The following POMGNT1 variants were observed in gnomAD, a reference collection of about 807,000 sequenced individuals.
POMGNT1 encodes protein O-linked mannose N-acetylglucosaminyltransferase 1 (beta 1,2-).
POMGNT1 carries 67 observed loss-of-function variants against 95.6 expected under a neutral mutation model. The observed-to-expected ratio is 0.70, with a 90% CI of 0.58 to 0.86. POMGNT1 has a LOEUF of 0.86. Ranked by LOEUF, POMGNT1 falls within the 40% of genes least tolerant of loss-of-function variation. POMGNT1 has a pLI of 0.00. For synonymous variants in POMGNT1, 298 were observed against 317.9 expected, an observed-to-expected ratio of 0.94 and a Z score of 0.66; for missense variants, 719 against 855.2, an observed-to-expected ratio of 0.84 and a Z score of 1.99.
At chr1:46,191,962 C>G in intron 17 of POMGNT1, 136 bp downstream of exon 17, 1 of 1,381,258 alleles carries the variant, frequency 7.2e-7, no homozygotes, top group Non-Finnish European at 1.0e-6. Context: ...GATAAAGAAA[C>G]TGAGGCAAAA....
chr1:46,195,795 G>A lies in POMGNT1; in HGVS notation c.534+16C>T, dbSNP rs780919869. Reference sequence around the variant, plus strand: ...AGCTAGGGAGTAGGGGTCAGGGTCAGGACAGAATAACTGACCTTGACAGTG... The same window carrying A: ...AGCTAGGGAGTAGGGGTCAGGGTCAAGACAGAATAACTGACCTTGACAGTG... On this transcript the variant is annotated intron_variant, in intron 6 of 21. Coordinates refer to ENST00000371984, the MANE Select transcript of POMGNT1 (RefSeq NM_017739.4). 1.5e-5 allele frequency: 24 copies of A among 1,573,736 alleles called. No homozygotes were observed. Among genetic ancestry groups the A allele is most frequent in the Admixed American group, 1.8e-5 (1 of 54,140 alleles).
chr1:46,217,788 C>T lies in POMGNT1; in HGVS notation c.-51+1917G>A, dbSNP rs150678860. Among the ~76,000 whole-genome samples, 387 of 152,102 alleles carry T rather than the reference C, an allele frequency of 2.5e-3. 1 individual carries two copies. Among genetic ancestry groups the T allele is most frequent in the Non-Finnish European group, 2.6e-3 (174 of 67,996 alleles). ...AAGAGAATCGCTTGAACCCTGGAGG[C>T]GGAGGTTGCAGTGAGCTAAGATGGC... On this transcript the variant is annotated intron_variant, in intron 1 of 22. Coordinates refer to the POMGNT1 transcript ENST00000371992.
intron 1 of POMGNT1, among the ~76,000 whole-genome samples, chr1:46,210,672 G>A (rs2148243402): frequency 6.6e-6 from 1 of 152,270 alleles, no homozygotes; most frequent in Non-Finnish European, 1.5e-5. Flanking sequence ...GAGATGCATG[G>A]GGCAAGGCAT....
At chr1:46,202,072 C>CTAGA (rs1414653346), upstream of POMGNT1, among the ~76,000 whole-genome samples, 3 of 149,208 alleles carry the variant, frequency 2.0e-5, no homozygotes, top group African/African-American at 7.4e-5. Context: ...TTTTAGTTAA[C>CTAGA]TCTAAACAAT....
chr1:46,209,544 T>C (rs1658827588), intron 1 of POMGNT1, among the ~76,000 whole-genome samples: 1 of 132,596 alleles, frequency 7.5e-6, no homozygotes, highest in African/African-American at 2.6e-5. Context: ...TTTCTTTTTT[T>C]TTTTCTTTTT....
upstream of POMGNT1, among the ~76,000 whole-genome samples, chr1:46,198,665 C>G (rs1454562240): frequency 9.9e-5 from 15 of 152,168 alleles, no homozygotes; most frequent in Admixed American, 9.8e-4. Flanking sequence ...CGCTCCCCAG[C>G]ACCGCCGATG....
intron 6 of POMGNT1, chr1:46,195,400 A>G: frequency 2.7e-6 from 1 of 373,742 alleles, no homozygotes; most frequent in Admixed American, 3.8e-5. Flanking sequence ...CTTTCTGCTC[A>G]CATATCATCT....
At chr1:46,206,823 A>G (rs1242797682) in intron 1 of POMGNT1, among the ~76,000 whole-genome samples, 1 of 152,246 alleles carries the variant, frequency 6.6e-6, no homozygotes, top group African/African-American at 2.4e-5. Flanking sequence ...CACTGGGCCA[A>G]GCACCAGAAA....
intron 2 of POMGNT1, 85 bp downstream of exon 2, chr1:46,197,617 C>T: frequency 6.3e-7 from 1 of 1,595,560 alleles, no homozygotes; most frequent in South Asian, 1.1e-5. Flanking sequence ...CTGGGGCTGG[C>T]CAACAGGGGT....
At chr1:46,198,469 C>CGCCGCCGCCGCCGCT (rs1658411763), upstream of POMGNT1, 2 of 149,186 alleles carry the variant, frequency 1.3e-5, no homozygotes, top group Non-Finnish European at 3.0e-5. Context: ...CTTCCGCCGC[C>CGCCGCCGCCGCCGCT]GCCGCCGCCG....
At chr1:46,205,294 G>A (rs1658676300) in intron 1 of POMGNT1, among the ~76,000 whole-genome samples, 1 of 151,878 alleles carries the variant, frequency 6.6e-6, no homozygotes, top group Admixed American at 6.6e-5. Flanking sequence ...GGGGAGGAAG[G>A]GAGGAAGGGA....
At chr1:46,215,378 A>G (rs1420157363) in intron 1 of POMGNT1, among the ~76,000 whole-genome samples, 3 of 152,214 alleles carry the variant, frequency 2.0e-5, no homozygotes. Context: ...ATAATTTTAA[A>G]AAATCTCCCA....
At chr1:46,197,584 A>G (rs1658344839) in intron 2 of POMGNT1, 118 bp downstream of exon 2, 2 of 1,572,808 alleles carry the variant, frequency 1.3e-6, no homozygotes, top group Non-Finnish European at 1.7e-6. Flanking sequence ...TCTCCCCTCT[A>G]GGAACCTGCT....
upstream of POMGNT1, among the ~76,000 whole-genome samples, chr1:46,202,328 C>T (rs1289273134): frequency 6.6e-6 from 1 of 151,968 alleles, no homozygotes; most frequent in Non-Finnish European, 1.5e-5. Context: ...AACCTTGTTA[C>T]TCAAAGTGTG....
chr1:46,220,155 G>A (rs745871817), exon 1 of POMGNT1: 47 of 1,614,002 alleles, frequency 2.9e-5, no homozygotes, highest in Non-Finnish European at 4.0e-5. Flanking sequence ...GGATGAGAGT[G>A]CCAAGCTGGG....
rs764703384 is a variant in POMGNT1, at chr1:46,193,658, G to C, written c.951-19C>G. On this transcript the variant is annotated intron_variant, in intron 10 of 21. Transcript: ENST00000371984. Reference sequence around the variant, plus strand: ...CAGCATCCTGGGGAGCCCAGGGATAGGTTAGGGTCACTTCATCACCCCTCA... The same window carrying C: ...CAGCATCCTGGGGAGCCCAGGGATACGTTAGGGTCACTTCATCACCCCTCA... The C allele has an allele frequency of 6.2e-7, 1 of 1,614,030 alleles. No homozygotes were observed. The highest frequency in any genetic ancestry group is 8.5e-7 in the Non-Finnish European group (1 of 1,179,962).
intron 1 of POMGNT1, among the ~76,000 whole-genome samples, chr1:46,218,658 T>G (rs1402574917): frequency 6.6e-6 from 1 of 152,138 alleles, no homozygotes; most frequent in Non-Finnish European, 1.5e-5. Flanking sequence ...GAGAGACAGG[T>G]TCAGACTTGT....
At chr1:46,217,400 ATGT>A (rs35152098) in intron 1 of POMGNT1, among the ~76,000 whole-genome samples, 30,863 of 152,106 alleles carry the variant, frequency 0.2, 3,210 homozygotes, top group Admixed American at 0.25. Flanking sequence ...TAAGGATAAA[ATGT>A]TGTAAGAAAT....
chr1:46,202,147 G>A (rs1658551758), upstream of POMGNT1, among the ~76,000 whole-genome samples: 1 of 150,938 alleles, frequency 6.6e-6, no homozygotes, highest in Non-Finnish European at 1.5e-5. Context: ...CCAATTGGGA[G>A]TGGGCCTAGA....
Sources: allele counts gnomAD v4.1 joint callset (sites outside exome capture counted in the v4.1 genomes callset), GRCh38; gene constraint gnomAD v4.1.1; transcripts MANE v1.5; gene names NCBI Gene and HGNC (gene_info 2026-07-23, HGNC 2026-07-21).